The following DLG2 variants were observed in gnomAD, a reference collection of about 807,000 sequenced individuals.
DLG2 encodes discs large MAGUK scaffold protein 2.
DLG2 carries 45 observed loss-of-function variants against 132.5 expected under a neutral mutation model. The ratio of observed to expected loss-of-function variants is 0.34; its 90% CI spans 0.27 to 0.44. The LOEUF (loss-of-function observed/expected upper bound fraction) is 0.44, where lower values mean the gene tolerates loss of function less well. DLG2 is among the 20% of genes least tolerant of loss of function. The probability of loss-of-function intolerance (pLI) is 1.00; values close to 1 mark genes in which losing one functional copy is unlikely to be tolerated. For missense variants in DLG2, 1,045 were observed against 1,196.9 expected (o/e 0.87, Z 1.87); for synonymous variants, 424 against 419.6 (o/e 1.01, Z -0.13).
In DLG2 at chr11:83,600,751, A is replaced by G. The variant is rs112018121; in HGVS notation, c.1940+32460T>C. On this transcript the variant is annotated intron_variant, in intron 19 of 27. Transcript: ENST00000376104. Reference sequence around the variant, plus strand: ...GCCTGAGCACATGTTCAGTCACCTCAGTGAAAGTGAAGGAGGGAGGAAGGG... The same window carrying G: ...GCCTGAGCACATGTTCAGTCACCTCGGTGAAAGTGAAGGAGGGAGGAAGGG... Among the ~76,000 whole-genome samples the G allele has an allele frequency of 2.5e-3, 381 of 152,330 alleles. 3 individuals carry two copies. Among genetic ancestry groups the G allele is most frequent in the African/African-American group, 8.7e-3 (363 of 41,576 alleles).
chr11:83,650,845 T>A (rs898058181), intron 18 of DLG2, among the ~76,000 whole-genome samples: 1 of 152,194 alleles, frequency 6.6e-6, no homozygotes, highest in African/African-American at 2.4e-5. Flanking sequence ...CCAGATGCCA[T>A]TGGCTGAAGA....
chr11:85,511,542 A>G (rs286540), intron 3 of DLG2, among the ~76,000 whole-genome samples: 132,705 of 151,686 alleles, frequency 0.87, 58,311 homozygotes, highest in Non-Finnish European at 0.91. Flanking sequence ...CAGAGACTGA[A>G]CATCCCATTA....
chr11:85,126,428 G>A (rs2075122154), intron 5 of DLG2, among the ~76,000 whole-genome samples: 1 of 152,106 alleles, frequency 6.6e-6, no homozygotes, highest in African/African-American at 2.4e-5. Context: ...ATAAAAGAAA[G>A]TTAAGCTATT....
At chr11:85,500,998 A>C in intron 3 of DLG2, among the ~76,000 whole-genome samples, 1 of 152,222 alleles carries the variant, frequency 6.6e-6, no homozygotes. Flanking sequence ...TGGAGGCATC[A>C]CACTACCTGA....
intron 9 of DLG2, among the ~76,000 whole-genome samples, chr11:84,108,049 T>C (rs534823962): frequency 6.6e-6 from 1 of 152,236 alleles, no homozygotes; most frequent in East Asian, 1.9e-4. Flanking sequence ...TGGTTTACTT[T>C]GTAAGTGATG....
chr11:84,783,111 C>T (rs1054686017), intron 6 of DLG2, among the ~76,000 whole-genome samples: 1 of 152,070 alleles, frequency 6.6e-6, no homozygotes, highest in Non-Finnish European at 1.5e-5. Flanking sequence ...TAAAAAAAAT[C>T]AATTGATCTC....
intron 3 of DLG2, among the ~76,000 whole-genome samples, chr11:85,415,950 C>T (rs1383053903): frequency 6.6e-6 from 1 of 152,194 alleles, no homozygotes; most frequent in African/African-American, 2.4e-5. Flanking sequence ...TGGCCCATGC[C>T]TATGTCATGA....
intron 6 of DLG2, among the ~76,000 whole-genome samples, chr11:84,665,794 T>A (rs2099699185): frequency 6.6e-6 from 1 of 152,184 alleles, no homozygotes; most frequent in Non-Finnish European, 1.5e-5. Context: ...GTCAATGTGC[T>A]TGATACCTAG....
chr11:85,304,137 C>G (rs770569220), intron 3 of DLG2, among the ~76,000 whole-genome samples: 1 of 152,130 alleles, frequency 6.6e-6, no homozygotes, highest in Non-Finnish European at 1.5e-5. Flanking sequence ...GCAGATTCTG[C>G]TTGGGTTAGA....
rs1350484831 is a variant in DLG2, at chr11:84,388,592, C to T, written c.520-137301G>A. Among the ~76,000 whole-genome samples, 5 of 151,752 alleles carry T rather than the reference C, an allele frequency of 3.3e-5. No homozygotes were observed. In the East Asian group the frequency reaches 7.7e-4, roughly 23 times the overall value. Reference sequence around the variant, plus strand: ...TAAACATTTTAGATTACAATTATTTCAGTACCCTGTGTTTCTAGAAATGTC... The same window carrying T: ...TAAACATTTTAGATTACAATTATTTTAGTACCCTGTGTTTCTAGAAATGTC... On this transcript the variant is annotated intron_variant, in intron 7 of 27. Coordinates refer to ENST00000376104, the MANE Select transcript of DLG2 (RefSeq NM_001142699.3).
chr11:84,744,795 A>C (rs1200215034), intron 6 of DLG2, among the ~76,000 whole-genome samples: 3 of 152,012 alleles, frequency 2.0e-5, no homozygotes, highest in Non-Finnish European at 2.9e-5. Flanking sequence ...GGAAGCTGTA[A>C]AGCCCACCTG....
chr11:84,878,980 A>G (rs1425690017), intron 6 of DLG2, among the ~76,000 whole-genome samples: 5 of 152,322 alleles, frequency 3.3e-5, no homozygotes, highest in African/African-American at 1.2e-4. Context: ...GTAGGATTAC[A>G]TTTGTAAAAT....
chr11:84,520,296 T>C (rs1283553459), intron 7 of DLG2, among the ~76,000 whole-genome samples: 1 of 152,216 alleles, frequency 6.6e-6, no homozygotes, highest in Non-Finnish European at 1.5e-5. Flanking sequence ...GCTGAGTCTA[T>C]TCTCCAAGGA....
At chr11:84,888,914 C>T (rs1294010306) in intron 6 of DLG2, among the ~76,000 whole-genome samples, 1 of 152,074 alleles carries the variant, frequency 6.6e-6, no homozygotes, top group Non-Finnish European at 1.5e-5. Context: ...AGCGTCTTCA[C>T]CACAACTGAA....
chr11:84,008,635 G>A (rs985017348), intron 11 of DLG2, among the ~76,000 whole-genome samples: 16 of 151,866 alleles, frequency 1.1e-4, no homozygotes, highest in African/African-American at 3.9e-4. Context: ...ATAATAGAGA[G>A]AGAAGGGTAA....
chr11:83,969,985 G>A (rs1301279556), intron 12 of DLG2, among the ~76,000 whole-genome samples: 1 of 151,818 alleles, frequency 6.6e-6, no homozygotes, highest in Non-Finnish European at 1.5e-5. Flanking sequence ...TGTGACTATG[G>A]CCCACAAAAA....
intron 6 of DLG2, among the ~76,000 whole-genome samples, chr11:84,844,129 G>GTATA (rs1566125279): frequency 7.7e-5 from 2 of 25,904 alleles, no homozygotes; most frequent in African/African-American, 2.2e-4. Flanking sequence ...GTGTGTGTGT[G>GTATA]TGTGTGTATA....
In DLG2 at chr11:84,586,242, T is replaced by G. The variant is rs1490381936; in HGVS notation, c.358-51511A>C. Among the ~76,000 whole-genome samples the G allele has an allele frequency of 1.1e-4, 16 of 152,236 alleles. No homozygotes were observed. The East Asian group carries it at 3.1e-3, about 29-fold the overall frequency. ...GTGTTCTGTTTCTGTTTATATACAC[T>G]AAGGATATTTTATTAAATATGCATA... On this transcript the variant is annotated intron_variant, in intron 6 of 27. Transcript: ENST00000376104.
chr11:83,855,988 A>G (rs944958204), intron 16 of DLG2, among the ~76,000 whole-genome samples: 3 of 151,916 alleles, frequency 2.0e-5, no homozygotes, highest in Non-Finnish European at 4.4e-5. Flanking sequence ...CCCTCCTCCC[A>G]CCCTCCACCC....
Sources: allele counts gnomAD v4.1 joint callset (sites outside exome capture counted in the v4.1 genomes callset), GRCh38; gene constraint gnomAD v4.1.1; transcripts MANE v1.5; gene names NCBI Gene and HGNC (gene_info 2026-07-23, HGNC 2026-07-21).